PRKCE: variants seen among roughly 807,000 people sequenced by gnomAD.
PRKCE encodes the protein protein kinase C epsilon type.
PRKCE carries 16 observed loss-of-function variants against 85.4 expected under a neutral mutation model. The ratio of observed to expected loss-of-function variants is 0.19; its 90% CI spans 0.13 to 0.28. PRKCE has a LOEUF of 0.28. PRKCE is among the 10% of genes least tolerant of loss of function. PRKCE has a pLI of 1.00. For missense variants in PRKCE, 573 were observed against 975.2 expected (o/e 0.59, Z 5.49); for synonymous variants, 388 against 371.5 (o/e 1.04, Z -0.51).
At chr2:46,013,447 G>A (rs748701840) in intron 10 of PRKCE, among the ~76,000 whole-genome samples, 34 of 152,318 alleles carry the variant, frequency 2.2e-4, no homozygotes, top group Non-Finnish European at 4.4e-4. Flanking sequence ...AGGGGAGGGG[G>A]TCTTCCCTAC....
chr2:45,658,558 T>C (rs1156719253), intron 1 of PRKCE, among the ~76,000 whole-genome samples: 5 of 152,230 alleles, frequency 3.3e-5, no homozygotes, highest in Admixed American at 2.0e-4. Flanking sequence ...TTTGAGCATG[T>C]GACTTAGGCT....
intron 10 of PRKCE, among the ~76,000 whole-genome samples, chr2:46,067,303 T>C (rs1667703561): frequency 6.6e-6 from 1 of 152,208 alleles, no homozygotes; most frequent in Non-Finnish European, 1.5e-5. Flanking sequence ...ATCAAAATAA[T>C]TTTATTTAAA....
rs1297107721 is a variant in PRKCE, at chr2:46,138,818, C to G, written c.1593-6275C>G. Among the ~76,000 whole-genome samples the G allele has an allele frequency of 6.6e-6, 1 of 152,158 alleles. No individual in the cohort carries two copies. Among genetic ancestry groups the G allele is most frequent in the Non-Finnish European group, 1.5e-5 (1 of 68,038 alleles). On this transcript the variant is annotated intron_variant, in intron 11 of 14. Coordinates refer to ENST00000306156, the MANE Select transcript of PRKCE (RefSeq NM_005400.3). The surrounding 1 kb of genome is among the most constrained non-coding windows in gnomAD (Gnocchi z 4.2). ...GTGCTAGTAAACATCCTGTAGTACA[C>G]AGCACAGCCCCCCACAACACAGGAT...
At chr2:45,988,579 C>T (rs758173600) in intron 6 of PRKCE, among the ~76,000 whole-genome samples, 12 of 152,326 alleles carry the variant, frequency 7.9e-5, no homozygotes, top group South Asian at 4.1e-4. Flanking sequence ...GATGCTCACA[C>T]GATCATTGGG....
At chr2:45,860,556 G>A (rs1693071217) in intron 2 of PRKCE, among the ~76,000 whole-genome samples, 2 of 152,176 alleles carry the variant, frequency 1.3e-5, no homozygotes, top group Admixed American at 6.5e-5. Context: ...TTCAAACCCT[G>A]TTAGCTTTTG....
Position 45,716,376 on chromosome 2 carries a change from G to C in PRKCE, c.348+63928G>C, listed in dbSNP as rs565972491. Reference sequence around the variant, plus strand: ...TACCAAAAATACAAAAATTAGCCAGGCGTGGTGTCGCATGCTTGTAGTCCT... The same window carrying C: ...TACCAAAAATACAAAAATTAGCCAGCCGTGGTGTCGCATGCTTGTAGTCCT... On this transcript the variant is annotated intron_variant, in intron 1 of 14. Coordinates refer to ENST00000306156, the MANE Select transcript of PRKCE (RefSeq NM_005400.3). 2.6e-5 allele frequency among the ~76,000 whole-genome samples: 4 copies of C among 152,172 alleles called. No homozygotes were observed. In the South Asian group the frequency reaches 8.3e-4, roughly 32 times the overall value.
Position 46,139,735 on chromosome 2 carries a change from T to TAG in PRKCE, c.1593-5342_1593-5341dup, listed in dbSNP as rs35157415. Among the ~76,000 whole-genome samples the TAG allele has an allele frequency of 3.6e-3, 545 of 149,800 alleles. 2 individuals carry two copies. Among genetic ancestry groups the TAG allele is most frequent in the Middle Eastern group, 6.9e-3 (2 of 288 alleles). On this transcript the variant is annotated intron_variant, in intron 11 of 14. Coordinates refer to ENST00000306156, the MANE Select transcript of PRKCE (RefSeq NM_005400.3). The surrounding 1 kb of genome is among the most constrained non-coding windows in gnomAD (Gnocchi z 5.2). Reference sequence around the variant, plus strand: ...ACATATATACATATACATATATATCTAGAGAGAGAGAGAGAGAATATATAG... The same window carrying TAG: ...ACATATATACATATACATATATATCTAGAGAGAGAGAGAGAGAGAATATATAG...
chr2:46,137,751 C>G (rs903787816), intron 11 of PRKCE, among the ~76,000 whole-genome samples: 11 of 150,404 alleles, frequency 7.3e-5, no homozygotes, highest in Admixed American at 5.3e-4. Flanking sequence ...GAGTGAGACC[C>G]TGTCTCAAAA....
At chr2:45,858,344 C>T (rs577659945) in intron 2 of PRKCE, among the ~76,000 whole-genome samples, 2 of 152,016 alleles carry the variant, frequency 1.3e-5, no homozygotes, top group African/African-American at 2.4e-5. Context: ...ATGAGGCCTT[C>T]GTCAGCCTTC....
intron 2 of PRKCE, among the ~76,000 whole-genome samples, chr2:45,852,308 C>T (rs1278453659): frequency 6.6e-6 from 1 of 152,146 alleles, no homozygotes; most frequent in Non-Finnish European, 1.5e-5. Flanking sequence ...TACTATTAGC[C>T]AAGTGTGAAT....
chr2:45,704,085 C>T (rs75601453), intron 1 of PRKCE, among the ~76,000 whole-genome samples: 2,161 of 152,152 alleles, frequency 0.014, 62 homozygotes, highest in African/African-American at 0.05. Flanking sequence ...GACACATGGG[C>T]GATGCATAGC....
intron 2 of PRKCE, among the ~76,000 whole-genome samples, chr2:45,936,687 CT>C (rs1699487293): frequency 6.6e-6 from 1 of 152,182 alleles, no homozygotes; most frequent in South Asian, 2.1e-4. Flanking sequence ...TTTGCGTAAT[CT>C]TTGATTTTTC....
intron 11 of PRKCE, among the ~76,000 whole-genome samples, chr2:46,124,664 A>G (rs1254123999): frequency 6.6e-6 from 1 of 152,162 alleles, no homozygotes; most frequent in Non-Finnish European, 1.5e-5. Flanking sequence ...AAGGGATCAT[A>G]TTCTTTGTAC....
chr2:46,113,766 G>C (rs1002839941), intron 11 of PRKCE, among the ~76,000 whole-genome samples: 2 of 152,124 alleles, frequency 1.3e-5, no homozygotes, highest in African/African-American at 4.8e-5. Context: ...AGAGATTCCT[G>C]AGGGATGAAT....
At chr2:45,982,796 C>G (rs1161464848) in intron 5 of PRKCE, among the ~76,000 whole-genome samples, 2 of 152,218 alleles carry the variant, frequency 1.3e-5, no homozygotes, top group Non-Finnish European at 1.5e-5. Flanking sequence ...GTGGTCCCAA[C>G]TGAGGGTCAC....
At chr2:46,156,004 TAAA>T (rs58699940) in intron 13 of PRKCE, among the ~76,000 whole-genome samples, 23 of 106,850 alleles carry the variant, frequency 2.2e-4, no homozygotes, top group African/African-American at 6.0e-4. Flanking sequence ...TTAAAGTATA[TAAA>T]AAAAAAAAAA....
intron 11 of PRKCE, among the ~76,000 whole-genome samples, chr2:46,135,202 C>G (rs1017458257): frequency 6.6e-6 from 1 of 152,242 alleles, no homozygotes; most frequent in African/African-American, 2.4e-5. Context: ...ATAGCATTGT[C>G]TGGCTTATCT....
chr2:46,049,457 G>A (rs972808958), intron 10 of PRKCE, among the ~76,000 whole-genome samples: 2 of 152,250 alleles, frequency 1.3e-5, no homozygotes, highest in East Asian at 3.9e-4. Context: ...TATCCCAGTT[G>A]GTGCAAAGCC....
At chr2:45,721,213 AAACTG>A (rs1680592626) in intron 1 of PRKCE, among the ~76,000 whole-genome samples, 1 of 152,158 alleles carries the variant, frequency 6.6e-6, no homozygotes, top group African/African-American at 2.4e-5. Flanking sequence ...ATAAACAAGG[AAACTG>A]AGGCTCTGTA....
Sources: gnomAD v4.1 joint callset for allele counts (sites outside exome capture counted in the v4.1 genomes callset) on GRCh38, gnomAD v4.1.1 for gene constraint, Gnocchi (gnomAD v3.1) non-coding constraint, MANE v1.5 for transcripts, NCBI Gene and HGNC (gene_info 2026-07-23, HGNC 2026-07-21) for gene names.